Variants in SHTN1 observed in about 807,000 individuals in gnomAD.
SHTN1 encodes shootin-1.
In SHTN1, 42 loss-of-function variants were observed where a neutral mutation model predicts 83.1. The ratio of observed to expected loss-of-function variants is 0.51; its 90% CI spans 0.39 to 0.65. The LOEUF (loss-of-function observed/expected upper bound fraction) is 0.65. SHTN1 is among the 30% of genes least tolerant of loss of function. The probability of loss-of-function intolerance (pLI) is 0.00; values close to 1 mark genes in which losing one functional copy is unlikely to be tolerated. For missense variants in SHTN1, 622 were observed against 737.8 expected (o/e 0.84, Z 1.82); for synonymous variants, 224 against 247.7 (o/e 0.90, Z 0.90).
chr10:117,006,333 A>G (rs750625561), upstream of SHTN1, among the ~76,000 whole-genome samples: 4 of 150,926 alleles, frequency 2.7e-5, no homozygotes, highest in Non-Finnish European at 5.9e-5. Flanking sequence ...TTGGGAGGCC[A>G]AGGCGGGCAG....
intron 13 of SHTN1, among the ~76,000 whole-genome samples, chr10:116,915,099 A>G (rs1848337840): frequency 6.6e-6 from 1 of 152,220 alleles, no homozygotes; most frequent in African/African-American, 2.4e-5. Flanking sequence ...AAAGGATGTG[A>G]TAATTGTTAT....
intron 12 of SHTN1, among the ~76,000 whole-genome samples, chr10:116,916,856 T>C (rs932149739): frequency 2.0e-5 from 3 of 152,202 alleles, no homozygotes; most frequent in African/African-American, 7.2e-5. Context: ...TCAAAGAGAA[T>C]TGTCAACCTC....
At chr10:116,968,587 G>T in intron 3 of SHTN1, 65 bp downstream of exon 3, 1 of 1,172,950 alleles carries the variant, frequency 8.5e-7, no homozygotes, top group Non-Finnish European at 1.3e-6. Context: ...TAGGGTATAA[G>T]TCTACTCACA....
Position 116,915,390 on chromosome 10 carries a change from GGC to G in SHTN1, c.1288_1289del (p.Ala430GlnfsTer18). 1 of 1,580,580 alleles carries G rather than the reference GGC, an allele frequency of 6.3e-7. No homozygotes were observed. Among genetic ancestry groups the G allele is most frequent in the Admixed American group, 1.7e-5 (1 of 59,922 alleles). ...GVHLRPVNQTARPKTKPESSK... is the reference protein window; with the variant it reads ...GVHLRPVNQTXRPKTKPESSK... ...CACTCCATACCTTTGTCTTCGGTCT[GGC>G]TGTCTGATTAACGGGTCTAAGATGA... On this transcript the variant is annotated frameshift_variant, in exon 13 of 17. Transcript: ENST00000355371. LOFTEE classifies it high-confidence loss of function.
At chr10:116,924,488 C>G (rs149098467) in intron 11 of SHTN1, among the ~76,000 whole-genome samples, 44 of 152,212 alleles carry the variant, frequency 2.9e-4, no homozygotes, top group Middle Eastern at 3.4e-3. Flanking sequence ...TTAAAGGACT[C>G]TGAGTTGAAG....
At chr10:116,940,672 T>C (rs1849336436) in intron 8 of SHTN1, 60 bp from the exon 9 acceptor site, 6 of 1,319,036 alleles carry the variant, frequency 4.5e-6, no homozygotes, top group Non-Finnish European at 6.1e-6. Context: ...TCCTCAACTG[T>C]AACTTCAGCA....
intron 2 of SHTN1, among the ~76,000 whole-genome samples, chr10:117,011,933 G>A (rs917597914): frequency 6.6e-6 from 1 of 152,104 alleles, no homozygotes; most frequent in African/African-American, 2.4e-5. Flanking sequence ...GAAGTCAGGA[G>A]ATCGAGACAA....
intron 2 of SHTN1, among the ~76,000 whole-genome samples, chr10:116,971,757 G>A (rs914317476): frequency 6.6e-5 from 10 of 152,234 alleles, no homozygotes; most frequent in African/African-American, 2.4e-4. Context: ...AAAAATGTGA[G>A]ATGTCTTGTA....
At chr10:117,025,165 G>A (rs1852312948) in intron 2 of SHTN1, among the ~76,000 whole-genome samples, 1 of 152,180 alleles carries the variant, frequency 6.6e-6, no homozygotes, top group Non-Finnish European at 1.5e-5. Context: ...AGAGGCACTG[G>A]AGAGGTAGGA....
At chr10:116,983,500 A>C (rs1851103919) in intron 1 of SHTN1, among the ~76,000 whole-genome samples, 1 of 152,134 alleles carries the variant, frequency 6.6e-6, no homozygotes, top group South Asian at 2.1e-4. Flanking sequence ...AAGTAAAAGC[A>C]CTTCTGAGAG....
chr10:116,945,032 A>AG lies in SHTN1; in HGVS notation c.617-15dup. Reference sequence around the variant, plus strand: ...CTAACATGGACACTTAAGAAGATAAAGGAAAAAAAAAACCCAGACAATAAG... The same window carrying AG: ...CTAACATGGACACTTAAGAAGATAAAGGGAAAAAAAAAACCCAGACAATAAG... On this transcript the variant is annotated splice_polypyrimidine_tract_variant and intron_variant, in intron 7 of 16. Transcript: ENST00000355371. 1 of 1,449,628 alleles carries AG rather than the reference A, an allele frequency of 6.9e-7. No homozygotes were observed. Among genetic ancestry groups the AG allele is most frequent in the East Asian group, 2.3e-5 (1 of 44,032 alleles). The allele number at this position is 1,449,628 out of a possible 1,614,324, so 89.8% of individuals were successfully genotyped here.
At chr10:116,963,637 G>A (rs1464037319) in intron 3 of SHTN1, among the ~76,000 whole-genome samples, 2 of 152,146 alleles carry the variant, frequency 1.3e-5, no homozygotes, top group Admixed American at 1.3e-4. Context: ...AAAATGATAT[G>A]ATGACTGGAA....
Position 116,936,538 on chromosome 10 carries a change from TTA to T in SHTN1, c.858+3926_858+3927del, listed in dbSNP as rs545444215. On this transcript the variant is annotated intron_variant, in intron 9 of 16. Coordinates refer to ENST00000355371, the MANE Select transcript of SHTN1 (RefSeq NM_001127211.3). ...ATTGCACTGTGGTCTGAGAGACTGTTTATGATTTCCATTCTTCTGCATTTGCC... is the reference window on the plus strand; with the variant it reads ...ATTGCACTGTGGTCTGAGAGACTGTTTGATTTCCATTCTTCTGCATTTGCC... Among the ~76,000 whole-genome samples, 112 of 152,330 alleles carry T rather than the reference TTA, an allele frequency of 7.4e-4. 2 individuals are homozygous for T. In the South Asian group the frequency reaches 0.022, roughly 30 times the overall value.
chr10:116,896,873 C>T (rs777317050), intron 16 of SHTN1, among the ~76,000 whole-genome samples: 1 of 147,132 alleles, frequency 6.8e-6, no homozygotes, highest in Non-Finnish European at 1.5e-5. Flanking sequence ...GTGGCACAAT[C>T]TGGGCTCACT....
intron 1 of SHTN1, among the ~76,000 whole-genome samples, chr10:117,060,401 T>G (rs537270269): frequency 6.6e-6 from 1 of 152,270 alleles, no homozygotes; most frequent in East Asian, 1.9e-4. Context: ...AAGCTCTTTG[T>G]GGGTCTTCAA....
chr10:116,997,719 C>CA (rs1851673658), intron 1 of SHTN1, among the ~76,000 whole-genome samples: 1 of 152,134 alleles, frequency 6.6e-6, no homozygotes, highest in Admixed American at 6.5e-5. Context: ...CAGGTTTCTC[C>CA]ACTGTAAAGT....
intron 12 of SHTN1, among the ~76,000 whole-genome samples, chr10:116,920,335 G>A (rs1407907779): frequency 6.6e-6 from 1 of 152,144 alleles, no homozygotes; most frequent in Non-Finnish European, 1.5e-5. Context: ...ACAGACTCCA[G>A]TGCATCTAGC....
chr10:117,005,053 C>T lies in SHTN1; in HGVS notation c.27G>A (p.Gln9=), dbSNP rs911246399. The T allele has an allele frequency of 6.3e-7, 1 of 1,599,448 alleles. No individual in the cohort carries two copies. Residue 9 remains glutamine (Q), a synonymous_variant, in exon 1 of 17, where the codon CAG becomes CAA. Coordinates refer to ENST00000355371, the MANE Select transcript of SHTN1 (RefSeq NM_001127211.3). The stretch of plus-strand genomic sequence containing the variant: ...CCTTCAGACTGGTAATGAGCTGCAG[C>T]TGCTTCTCTTCGTCCGAGCTGTTCA... MNSSDEEK[Q]LQLITSLKEQ...
At chr10:116,967,914 T>C (rs1287535857) in intron 3 of SHTN1, among the ~76,000 whole-genome samples, 1 of 152,220 alleles carries the variant, frequency 6.6e-6, no homozygotes, top group Non-Finnish European at 1.5e-5. Flanking sequence ...CTGGGCGCAG[T>C]GGCTCCCGCC....
Sources: allele counts gnomAD v4.1 joint callset (sites outside exome capture counted in the v4.1 genomes callset), GRCh38; gene constraint gnomAD v4.1.1; transcripts MANE v1.5; gene names NCBI Gene and HGNC (gene_info 2026-07-23, HGNC 2026-07-21).